The following ATP2B2 variants were observed in gnomAD, a reference collection of about 807,000 sequenced individuals.
ATP2B2 encodes plasma membrane calcium-transporting ATPase 2.
In ATP2B2, 15 loss-of-function variants were observed where a neutral mutation model predicts 120.0. The ratio of observed to expected loss-of-function variants is 0.12; its 90% CI spans 0.08 to 0.19. The LOEUF (loss-of-function observed/expected upper bound fraction) is 0.19, where lower values mean the gene tolerates loss of function less well. ATP2B2 is among the 10% of genes least tolerant of loss of function. The pLI is 1.00. For synonymous variants in ATP2B2, 694 were observed against 700.3 expected, an observed-to-expected ratio of 0.99 and a Z score of 0.14; for missense variants, 1,045 against 1,719.8, an observed-to-expected ratio of 0.61 and a Z score of 6.94.
intron 1 of ATP2B2, among the ~76,000 whole-genome samples, chr3:10,504,652 C>A (rs7623837): frequency 0.16 from 24,290 of 151,712 alleles, 1,971 homozygotes; most frequent in East Asian, 0.25. Flanking sequence ...TGCTGCTGTC[C>A]GCAACCCACC....
At chr3:10,387,934 CTACT>C in intron 6 of ATP2B2, 6 of 353,108 alleles carry the variant, frequency 1.7e-5, no homozygotes, top group South Asian at 1.4e-4. Flanking sequence ...GTGGGGATTT[CTACT>C]CAATACTGGA....
chr3:10,464,847 C>T (rs1393218683), intron 1 of ATP2B2, among the ~76,000 whole-genome samples: 1 of 152,234 alleles, frequency 6.6e-6, no homozygotes. Context: ...GAAATGGAGG[C>T]CCTCAGGTGG....
intron 3 of ATP2B2, among the ~76,000 whole-genome samples, chr3:10,516,753 C>T (rs1434184456): frequency 7.2e-5 from 11 of 152,238 alleles, no homozygotes; most frequent in Non-Finnish European, 1.2e-4. Flanking sequence ...GCTCTCGCCA[C>T]GTGCCAGGTG....
chr3:10,663,106 G>C (rs989813762), intron 1 of ATP2B2, among the ~76,000 whole-genome samples: 2 of 111,828 alleles, frequency 1.8e-5, no homozygotes, highest in South Asian at 8.1e-4. Flanking sequence ...GTGGGGGGAG[G>C]GGGGAGGGAT....
At chr3:10,664,023 G>A (rs2070858910) in intron 1 of ATP2B2, among the ~76,000 whole-genome samples, 1 of 152,088 alleles carries the variant, frequency 6.6e-6, no homozygotes, top group African/African-American at 2.4e-5. Context: ...TCTTACAAGT[G>A]GCCTCGTTGA....
chr3:10,685,269 G>A (rs2071490913), intron 1 of ATP2B2, among the ~76,000 whole-genome samples: 1 of 152,246 alleles, frequency 6.6e-6, no homozygotes, highest in African/African-American at 2.4e-5. Flanking sequence ...GTATTCTGAA[G>A]TCAAGCCAAT....
At chr3:10,358,014 A>G (rs1464702186) in intron 14 of ATP2B2, among the ~76,000 whole-genome samples, 1 of 152,224 alleles carries the variant, frequency 6.6e-6, no homozygotes, top group Non-Finnish European at 1.5e-5. Flanking sequence ...TGAGCACCCC[A>G]CTAGGTGTAC....
intron 3 of ATP2B2, among the ~76,000 whole-genome samples, chr3:10,406,829 G>C (rs1028362426): frequency 3.3e-5 from 5 of 152,246 alleles, no homozygotes; most frequent in Admixed American, 3.3e-4. Context: ...AGAGGGAGAA[G>C]GTAAGGCCTG....
At chr3:10,443,468 G>C (rs1359729556) in intron 2 of ATP2B2, among the ~76,000 whole-genome samples, 5 of 152,198 alleles carry the variant, frequency 3.3e-5, no homozygotes, top group African/African-American at 1.2e-4. Context: ...TGAGAGCGTA[G>C]TCTGGGATTT....
In ATP2B2 at chr3:10,340,616, G is replaced by A. The variant is rs756617022; in HGVS notation, c.3006C>T (p.Phe1002=). 6.2e-6 allele frequency: 10 copies of A among 1,614,124 alleles called. No individual in the cohort carries two copies. Among genetic ancestry groups the A allele is most frequent in the African/African-American group, 1.3e-5 (1 of 74,942 alleles). The stretch of plus-strand genomic sequence containing the variant: ...TCTCGTTGAAGAGCTGCATCATGAC[G>A]AAGGTGTTGAAGATGATGGTGTAAT... ...SEHYTIIFNT[F]VMMQLFNEIN... is the part of the protein sequence containing the mutation. Residue 1002 remains phenylalanine (F), a synonymous_variant, in exon 20 of 23, where the codon TTC becomes TTT. Transcript: ENST00000360273. This position sits in a 1 kb window ranked among gnomAD's most constrained non-coding sequence, Gnocchi z 5.0.
chr3:10,530,203 C>G (rs765683183), intron 3 of ATP2B2, among the ~76,000 whole-genome samples: 1 of 152,202 alleles, frequency 6.6e-6, no homozygotes. Flanking sequence ...TTGTTCCCAC[C>G]GGGGACCACC....
chr3:10,373,475 T>C (rs962357498), intron 11 of ATP2B2, among the ~76,000 whole-genome samples: 2 of 152,230 alleles, frequency 1.3e-5, no homozygotes, highest in Non-Finnish European at 2.9e-5. Flanking sequence ...TATAGGGTAC[T>C]GAGCACTTGA....
chr3:10,394,944 C>T (rs1039839100), intron 5 of ATP2B2, among the ~76,000 whole-genome samples: 166 of 152,128 alleles, frequency 1.1e-3, no homozygotes, highest in African/African-American at 3.8e-3. Flanking sequence ...GAAGTTACTA[C>T]AAGGAGGCAG....
chr3:10,613,656 C>T (rs776450682), intron 2 of ATP2B2, among the ~76,000 whole-genome samples: 10 of 152,116 alleles, frequency 6.6e-5, no homozygotes, highest in Non-Finnish European at 1.0e-4. Flanking sequence ...AACACAGCTA[C>T]TTCTCTCCTC....
At chr3:10,439,965 T>C (rs920684861) in intron 2 of ATP2B2, among the ~76,000 whole-genome samples, 8 of 151,768 alleles carry the variant, frequency 5.3e-5, no homozygotes, top group African/African-American at 1.9e-4. Context: ...TACCTGGGCA[T>C]GGTGGCACAT....
chr3:10,379,382 G>A, intron 8 of ATP2B2, 98 bp from the exon 9 acceptor site: 2 of 1,371,490 alleles, frequency 1.5e-6, no homozygotes, highest in South Asian at 2.4e-5. Context: ...TGTCACAGAT[G>A]AAGGGCGGGC....
intron 2 of ATP2B2, among the ~76,000 whole-genome samples, chr3:10,609,792 T>A (rs912971670): frequency 2.0e-5 from 3 of 152,162 alleles, no homozygotes; most frequent in African/African-American, 7.2e-5. Flanking sequence ...GACATCACTG[T>A]CATCCTAAGG....
intron 1 of ATP2B2, among the ~76,000 whole-genome samples, chr3:10,661,984 A>C (rs1369731833): frequency 6.6e-6 from 1 of 152,242 alleles, no homozygotes; most frequent in Non-Finnish European, 1.5e-5. Flanking sequence ...AACCTGACAA[A>C]AACAAGAAAT....
chr3:10,633,321 G>A (rs1333794627), intron 1 of ATP2B2, among the ~76,000 whole-genome samples: 2 of 152,156 alleles, frequency 1.3e-5, no homozygotes, highest in Non-Finnish European at 2.9e-5. Context: ...CCACACCAGG[G>A]TTGCCATCCA....
Sources: gnomAD v4.1 joint callset for allele counts (sites outside exome capture counted in the v4.1 genomes callset) on GRCh38, gnomAD v4.1.1 for gene constraint, Gnocchi (gnomAD v3.1) non-coding constraint, MANE v1.5 for transcripts, NCBI Gene and HGNC (gene_info 2026-07-23, HGNC 2026-07-21) for gene names.